Variants in TMEM165 observed in about 807,000 individuals in gnomAD.
TMEM165 encodes transmembrane protein 165.
In TMEM165, 19 loss-of-function variants were observed where a neutral mutation model predicts 30.0. The ratio of observed to expected loss-of-function variants is 0.63; its 90% CI spans 0.44 to 0.93. The LOEUF (loss-of-function observed/expected upper bound fraction) is 0.93, where lower values mean the gene tolerates loss of function less well. TMEM165 is among the 40% of genes least tolerant of loss of function. TMEM165 has a pLI of 0.00. For missense variants in TMEM165, 340 were observed against 417.0 expected (o/e 0.82, Z 1.61); for synonymous variants, 168 against 162.9 (o/e 1.03, Z -0.24).
intron 1 of TMEM165, among the ~76,000 whole-genome samples, chr4:55,408,417 C>A (rs1203818819): frequency 6.6e-6 from 1 of 152,116 alleles, no homozygotes; most frequent in Admixed American, 6.5e-5. Flanking sequence ...TACACCTAGG[C>A]TAAATGGTAT....
intron 5 of TMEM165, 195 bp downstream of exon 5, chr4:55,424,838 CAA>C (rs1481360389): frequency 7.6e-6 from 4 of 526,128 alleles, no homozygotes; most frequent in South Asian, 2.7e-5. Flanking sequence ...TAGCAAAATA[CAA>C]AGTCATTTTT....
chr4:55,437,194 G>T (rs1302461238), intron 3 of TMEM165, among the ~76,000 whole-genome samples: 1 of 152,100 alleles, frequency 6.6e-6, no homozygotes, highest in Non-Finnish European at 1.5e-5. Context: ...ACAAAGACAA[G>T]GATTATATTT....
intron 3 of TMEM165, among the ~76,000 whole-genome samples, chr4:55,447,402 GTTATT>G (rs939290758): frequency 6.6e-6 from 1 of 152,088 alleles, no homozygotes; most frequent in Non-Finnish European, 1.5e-5. Flanking sequence ...TCATACAAAT[GTTATT>G]TTATTATAAC....
chr4:55,438,793 A>G (rs1055260864), intron 3 of TMEM165, among the ~76,000 whole-genome samples: 1 of 152,238 alleles, frequency 6.6e-6, no homozygotes, highest in Non-Finnish European at 1.5e-5. Flanking sequence ...AAAAGAATAA[A>G]GTTAGATCCT....
At position 55,439,432 on chromosome 4, in the gene TMEM165, C is replaced by T. The variant is rs533519165; in HGVS notation, c.409-12807C>T. On this transcript the variant is annotated intron_variant, in intron 3 of 3. Coordinates refer to the TMEM165 transcript ENST00000608091. ...TGCTGGTGGGAATGTAAAAATGGTG[C>T]AGCCACTATGGAAAACAGTATGCAG... Among the ~76,000 whole-genome samples, 5 of 152,238 alleles carry T rather than the reference C, an allele frequency of 3.3e-5. No individual in the cohort carries two copies. In the East Asian group the frequency reaches 7.7e-4, roughly 24 times the overall value.
In TMEM165 at chr4:55,413,581, C is replaced by G. The variant is rs191287175; in HGVS notation, c.433+1742C>G. ...TCGCCCGCCTTGGCCTCCCAAAGTG[C>G]TGCGATTACAGGCGTGAGCTACCAC... On this transcript the variant is annotated intron_variant, in intron 2 of 5. Coordinates refer to ENST00000381334, the MANE Select transcript of TMEM165 (RefSeq NM_018475.5). Among the ~76,000 whole-genome samples, 466 of 152,366 alleles carry G rather than the reference C, an allele frequency of 3.1e-3. 2 individuals carry two copies. The highest frequency in any genetic ancestry group is 0.01 in the African/African-American group (429 of 41,586).
chr4:55,438,466 G>A, intron 3 of TMEM165: 3 of 1,613,816 alleles, frequency 1.9e-6, no homozygotes. Context: ...CATAGTACTA[G>A]GTACCATGAC....
At chr4:55,424,310 A>C (rs1722110124) in intron 4 of TMEM165, 1 of 498,946 alleles carries the variant, frequency 2.0e-6, no homozygotes, top group Non-Finnish European at 3.5e-6. Context: ...TTGACTTTAC[A>C]AATTGATTTG....
downstream of TMEM165, among the ~76,000 whole-genome samples, chr4:55,427,158 C>A (rs1487719702): frequency 3.3e-5 from 5 of 151,658 alleles, no homozygotes; most frequent in Admixed American, 3.3e-4. Flanking sequence ...CTCAGCCTCC[C>A]GAGTAGCTGG....
At position 55,439,714 on chromosome 4, in the gene TMEM165, T is replaced by G. The variant is rs141431750; in HGVS notation, c.409-12525T>G. On this transcript the variant is annotated intron_variant, in intron 3 of 3. Coordinates refer to the TMEM165 transcript ENST00000608091. ...ATTCTGACAATTGCTGTAACATGGA[T>G]GAACCCTGAGAACATTATCCTAAGT... 1.1e-4 allele frequency among the ~76,000 whole-genome samples: 16 copies of G among 152,288 alleles called. No individual in the cohort carries two copies. The East Asian group carries it at 3.1e-3, about 29-fold the overall frequency.
chr4:55,424,464 T>G, intron 4 of TMEM165, 74 bp from the exon 5 acceptor site: 1 of 871,810 alleles, frequency 1.1e-6, no homozygotes, highest in Non-Finnish European at 1.9e-6. Flanking sequence ...TTTTTAGTGC[T>G]TCTGAATTGT....
chr4:55,448,897 G>T (rs1458894844), intron 3 of TMEM165: 1 of 1,517,120 alleles, frequency 6.6e-7, no homozygotes. Flanking sequence ...TAACACTGAA[G>T]TGATTCTCAT....
chr4:55,425,349 A>G lies in TMEM165; in HGVS notation c.899-27A>G, dbSNP rs1383837644. The G allele has an allele frequency of 7.5e-6, 12 of 1,597,536 alleles. No individual in the cohort carries two copies. The African/African-American group carries it at 9.4e-5, about 13-fold the overall frequency. On this transcript the variant is annotated intron_variant, in intron 5 of 5. Transcript: ENST00000381334. Reference sequence around the variant, plus strand: ...TATCAAGGTATAGGAATTTTACTGTATTTGACTTTTTTTCTCTCTCTTCCA... The same window carrying G: ...TATCAAGGTATAGGAATTTTACTGTGTTTGACTTTTTTTCTCTCTCTTCCA...
intron 1 of TMEM165, chr4:55,399,237 T>A (rs1051023301): frequency 2.0e-5 from 3 of 152,248 alleles, no homozygotes; most frequent in African/African-American, 7.2e-5. Flanking sequence ...TTTAGTCCAC[T>A]TGGGGAGAGC....
chr4:55,422,712 G>A (rs1023274498), intron 4 of TMEM165, among the ~76,000 whole-genome samples: 2 of 151,884 alleles, frequency 1.3e-5, no homozygotes, highest in Non-Finnish European at 2.9e-5. Context: ...GCAGTGGCAC[G>A]ATCTCAGCTC....
At chr4:55,404,755 G>T (rs180783535) in intron 1 of TMEM165, among the ~76,000 whole-genome samples, 1 of 152,268 alleles carries the variant, frequency 6.6e-6, no homozygotes, top group Non-Finnish European at 1.5e-5. Flanking sequence ...AAAGAATCTT[G>T]TAAGTTAGCA....
At chr4:55,408,436 G>A (rs1281181971) in intron 1 of TMEM165, among the ~76,000 whole-genome samples, 6 of 152,176 alleles carry the variant, frequency 3.9e-5, no homozygotes, top group South Asian at 4.2e-4. Context: ...ATAGCCTATG[G>A]CTTTTAGGCT....
chr4:55,410,172 T>C (rs1721430892), intron 1 of TMEM165, among the ~76,000 whole-genome samples: 1 of 152,186 alleles, frequency 6.6e-6, no homozygotes, highest in Non-Finnish European at 1.5e-5. Context: ...TCTTATAGGC[T>C]GGGTTTTGGT....
chr4:55,431,888 G>A (rs1722529691), intron 3 of TMEM165: 1 of 152,134 alleles, frequency 6.6e-6, no homozygotes, highest in African/African-American at 2.4e-5. Flanking sequence ...CCTGAACAAG[G>A]GTTCTTCTCC....
Sources: allele counts gnomAD v4.1 joint callset (sites outside exome capture counted in the v4.1 genomes callset), GRCh38; gene constraint gnomAD v4.1.1; transcripts MANE v1.5; gene names NCBI Gene and HGNC (gene_info 2026-07-23, HGNC 2026-07-21).